The following RGL1 variants were observed in gnomAD, a reference collection of about 807,000 sequenced individuals.
The protein encoded by RGL1 is ral guanine nucleotide dissociation stimulator like 1, also known as ral guanine nucleotide dissociation stimulator-like 1.
A neutral mutation model predicts 95.2 loss-of-function variants in RGL1; 24 were observed. That is an observed-to-expected ratio of 0.25 (90% CI 0.18 to 0.35). The LOEUF is 0.35. Ranked by LOEUF, RGL1 falls within the 10% of genes least tolerant of loss-of-function variation. The pLI, the probability that RGL1 is intolerant of heterozygous loss-of-function variation, is 1.00. For missense variants in RGL1, 715 were observed against 936.3 expected, an observed-to-expected ratio of 0.76 and a Z score of 3.08; for synonymous variants, 329 against 344.9, an observed-to-expected ratio of 0.95 and a Z score of 0.51.
chr1:183,894,203 A>T (rs1378696369), intron 9 of RGL1, among the ~76,000 whole-genome samples: 1 of 152,170 alleles, frequency 6.6e-6, no homozygotes, highest in Non-Finnish European at 1.5e-5. Context: ...TCAAATCCAA[A>T]CAGTCCTGAG....
intron 13 of RGL1, 145 bp from the exon 14 acceptor site, chr1:183,906,867 C>T (rs1309032875): frequency 1.1e-5 from 7 of 630,826 alleles, no homozygotes; most frequent in South Asian, 7.3e-5. Flanking sequence ...TACCCCCTGA[C>T]GTTTATGATA....
intron 2 of RGL1, among the ~76,000 whole-genome samples, chr1:183,840,780 T>C (rs1664007108): frequency 6.6e-6 from 1 of 152,100 alleles, no homozygotes; most frequent in Non-Finnish European, 1.5e-5. Context: ...TAGTCCCAGC[T>C]ACTTGGGAGG....
At chr1:183,866,170 T>C (rs1665823624) in intron 4 of RGL1, 97 bp downstream of exon 4, 1 of 1,011,326 alleles carries the variant, frequency 9.9e-7, no homozygotes, top group Non-Finnish European at 1.5e-6. Context: ...GTTGCCATGA[T>C]TTTTTTTTCC....
At chr1:183,868,521 TG>T (rs1260438490) in intron 4 of RGL1, among the ~76,000 whole-genome samples, 2 of 152,182 alleles carry the variant, frequency 1.3e-5, no homozygotes, top group African/African-American at 4.8e-5. Flanking sequence ...TCAGACCTAA[TG>T]GATTAGAATC....
chr1:183,913,560 A>G (rs1036672829), intron 15 of RGL1, among the ~76,000 whole-genome samples: 1 of 152,216 alleles, frequency 6.6e-6, no homozygotes, highest in African/African-American at 2.4e-5. Flanking sequence ...AAAGTCAACT[A>G]TGACATAACT....
chr1:183,639,105 C>A (rs185135579), intron 1 of RGL1, among the ~76,000 whole-genome samples: 16 of 152,132 alleles, frequency 1.1e-4, no homozygotes, highest in Admixed American at 9.2e-4. Flanking sequence ...CATGGGGAAA[C>A]CCTGTCTCTA....
chr1:183,834,890 C>T (rs989079201), intron 2 of RGL1, among the ~76,000 whole-genome samples: 2 of 150,438 alleles, frequency 1.3e-5, no homozygotes, highest in Admixed American at 6.6e-5. Context: ...ACTATATTGC[C>T]CAGGCTAGTC....
chr1:183,708,738 C>T (rs2182597), intron 1 of RGL1, among the ~76,000 whole-genome samples: 2 of 152,116 alleles, frequency 1.3e-5, no homozygotes, highest in South Asian at 4.1e-4. Context: ...CTCTGTTAAC[C>T]CGGCTCCTGG....
At chr1:183,758,380 G>T (rs1213641677) in intron 2 of RGL1, among the ~76,000 whole-genome samples, 2 of 152,026 alleles carry the variant, frequency 1.3e-5, no homozygotes, top group African/African-American at 4.8e-5. Flanking sequence ...ATATATTTTA[G>T]TAGAGACGGG....
chr1:183,805,980 T>TTTTTTTTTTTTTTTTTTTTTTA (rs1661292699), intron 1 of RGL1, among the ~76,000 whole-genome samples: 1 of 28,512 alleles, frequency 3.5e-5, no homozygotes, highest in Non-Finnish European at 7.0e-5. Context: ...TCTTTTTTTT[T>TTTTTTTTTTTTTTTTTTTTTTA]TTTTTTTTTT....
chr1:183,824,172 G>A (rs1033889412), intron 2 of RGL1, among the ~76,000 whole-genome samples: 1 of 152,008 alleles, frequency 6.6e-6, no homozygotes, highest in Admixed American at 6.6e-5. Flanking sequence ...AACATTTGTT[G>A]GCAGAACTAC....
intron 2 of RGL1, among the ~76,000 whole-genome samples, chr1:183,819,021 A>T (rs532883591): frequency 3.5e-4 from 54 of 152,338 alleles, no homozygotes; most frequent in African/African-American, 1.3e-3. Flanking sequence ...TAATCCATAT[A>T]CTTCTTAGTG....
chr1:183,904,806 A>T (rs780617393), intron 12 of RGL1, 44 bp from the exon 13 acceptor site: 49 of 1,565,686 alleles, frequency 3.1e-5, no homozygotes, highest in Non-Finnish European at 4.2e-5. Context: ...TGGCCTTATT[A>T]TTCAGTCTTT....
chr1:183,880,506 C>A, intron 4 of RGL1, 110 bp from the exon 5 acceptor site: 1 of 806,394 alleles, frequency 1.2e-6, no homozygotes, highest in Non-Finnish European at 2.0e-6. Context: ...ATCTGTTGAC[C>A]ACCCACCCAA....
chr1:183,744,631 A>G (rs950057502), intron 2 of RGL1, among the ~76,000 whole-genome samples: 7 of 152,216 alleles, frequency 4.6e-5, no homozygotes, highest in African/African-American at 1.7e-4. Flanking sequence ...TTCAATATAC[A>G]GTATTGATTT....
At chr1:183,676,926 T>C (rs1652863437) in intron 1 of RGL1, among the ~76,000 whole-genome samples, 1 of 151,530 alleles carries the variant, frequency 6.6e-6, no homozygotes, top group Non-Finnish European at 1.5e-5. Flanking sequence ...TTAATACATG[T>C]AAAGGACAGA....
intron 2 of RGL1, among the ~76,000 whole-genome samples, chr1:183,794,093 C>T (rs1194105499): frequency 4.8e-5 from 7 of 146,478 alleles, no homozygotes; most frequent in Admixed American, 3.4e-4. Context: ...CACACACACA[C>T]GAATACTATT....
chr1:183,900,066 T>C, intron 10 of RGL1, 84 bp from the exon 11 acceptor site: 1 of 1,037,496 alleles, frequency 9.6e-7, no homozygotes, highest in South Asian at 1.3e-5. Flanking sequence ...CTTGAATACA[T>C]CCATTTGCTC....
chr1:183,718,363 G>T (rs562037053), intron 1 of RGL1, among the ~76,000 whole-genome samples: 13 of 152,088 alleles, frequency 8.5e-5, no homozygotes, highest in Non-Finnish European at 1.9e-4. Context: ...ATAAGTTTGT[G>T]ATATTTAAAC....
Sources: gnomAD v4.1 joint callset for allele counts (sites outside exome capture counted in the v4.1 genomes callset) on GRCh38, gnomAD v4.1.1 for gene constraint, MANE v1.5 for transcripts, NCBI Gene and HGNC (gene_info 2026-07-23, HGNC 2026-07-21) for gene names.